Variants in BMP7 observed in about 807,000 individuals in gnomAD.
BMP7 encodes the protein osteogenic protein 1.
A neutral mutation model predicts 41.2 loss-of-function variants in BMP7; 12 were observed. That is an observed-to-expected ratio of 0.29 (90% CI 0.19 to 0.47). The LOEUF (loss-of-function observed/expected upper bound fraction) is 0.47. BMP7 is among the 20% of genes least tolerant of loss of function. The probability of loss-of-function intolerance (pLI) is 0.99; values close to 1 mark genes in which losing one functional copy is unlikely to be tolerated. For synonymous variants in BMP7, 248 were observed against 250.0 expected (o/e 0.99, Z 0.07); for missense variants, 467 against 606.0 (o/e 0.77, Z 2.41).
intron 2 of BMP7, among the ~76,000 whole-genome samples, chr20:57,225,117 G>A (rs74965819): frequency 0.027 from 4,060 of 152,266 alleles, 188 homozygotes; most frequent in African/African-American, 0.092. Context: ...GGGCTCCCCC[G>A]GGCTGAGGTC....
At chr20:57,201,227 C>A (rs1984611807) in intron 3 of BMP7, among the ~76,000 whole-genome samples, 1 of 152,204 alleles carries the variant, frequency 6.6e-6, no homozygotes, top group Admixed American at 6.5e-5. Context: ...CATCTTGTAA[C>A]AACCCAATGG....
At chr20:57,226,087 G>A (rs939619465) in intron 2 of BMP7, 19 of 401,600 alleles carry the variant, frequency 4.7e-5, no homozygotes, top group African/African-American at 3.5e-4. Flanking sequence ...CGCCTGGAAC[G>A]CCCATCCCTC....
intron 3 of BMP7, among the ~76,000 whole-genome samples, chr20:57,195,571 C>T (rs75909084): frequency 3.2e-4 from 49 of 152,362 alleles, no homozygotes; most frequent in African/African-American, 1.1e-3. Context: ...TCGCATGGAG[C>T]GAAGGCACCT....
At chr20:57,230,111 G>A (rs55977030) in intron 1 of BMP7, among the ~76,000 whole-genome samples, 48,276 of 151,974 alleles carry the variant, frequency 0.32, 9,129 homozygotes, top group Non-Finnish European at 0.42. Context: ...TATATGGAGA[G>A]CTGGCGGGAG....
At chr20:57,217,373 C>T (rs78413039) in intron 2 of BMP7, among the ~76,000 whole-genome samples, 3,786 of 152,300 alleles carry the variant, frequency 0.025, 60 homozygotes, top group Non-Finnish European at 0.027. Context: ...CCCAAAAAGG[C>T]TCTTATAATC....
chr20:57,237,445 G>A (rs980183652), intron 1 of BMP7, among the ~76,000 whole-genome samples: 4 of 152,192 alleles, frequency 2.6e-5, no homozygotes, highest in African/African-American at 4.8e-5. Flanking sequence ...GACTTATCCC[G>A]GCTGCTGTTA....
chr20:57,195,928 G>A (rs1473627757), intron 3 of BMP7, among the ~76,000 whole-genome samples: 1 of 152,162 alleles, frequency 6.6e-6, no homozygotes, highest in Non-Finnish European at 1.5e-5. Flanking sequence ...GGTGCCCTAT[G>A]ACCTTGGAGC....
rs1223642151 is a variant in BMP7 at position 57,174,245 on chromosome 20, T to G, written c.1035+686A>C. 6.6e-6 allele frequency among the ~76,000 whole-genome samples: 1 copy of G among 152,044 alleles called. No homozygotes were observed. The highest frequency in any genetic ancestry group is 1.5e-5 in the Non-Finnish European group (1 of 68,012). ...TGACAATACCCTCTCCAGGGATATT[T>G]GAGCCCCACAGGGCAGACACATTGC... On this transcript the variant is annotated intron_variant, in intron 5 of 6. Coordinates refer to ENST00000395863, the MANE Select transcript of BMP7 (RefSeq NM_001719.3). This position sits in a 1 kb window ranked among gnomAD's most constrained non-coding sequence, Gnocchi z 4.3.
chr20:57,254,191 T>C (rs2066125257), intron 1 of BMP7, among the ~76,000 whole-genome samples: 1 of 151,708 alleles, frequency 6.6e-6, no homozygotes, highest in African/African-American at 2.4e-5. Flanking sequence ...CCCCACTAAT[T>C]TTTGTATTTT....
intron 1 of BMP7, among the ~76,000 whole-genome samples, chr20:57,250,323 T>TTATATAATATATAA (rs200380206): frequency 8.9e-5 from 13 of 145,348 alleles, no homozygotes; most frequent in African/African-American, 3.3e-4. Context: ...ATAAATATAT[T>TTATATAATATATAA]TATATAATAT....
intron 3 of BMP7, among the ~76,000 whole-genome samples, chr20:57,200,240 T>C (rs748786385): frequency 5.9e-5 from 9 of 152,210 alleles, no homozygotes; most frequent in Admixed American, 2.0e-4. Flanking sequence ...AAACTATTAT[T>C]AACCCCATTT....
At chr20:57,246,286 T>C (rs2066090538) in intron 1 of BMP7, among the ~76,000 whole-genome samples, 1 of 152,228 alleles carries the variant, frequency 6.6e-6, no homozygotes, top group Non-Finnish European at 1.5e-5. Flanking sequence ...AGAGGCACAA[T>C]CAATTCAACA....
At chr20:57,262,213 C>T (rs1364500593) in intron 1 of BMP7, among the ~76,000 whole-genome samples, 4 of 152,178 alleles carry the variant, frequency 2.6e-5, no homozygotes, top group African/African-American at 9.7e-5. Context: ...TGTGCGGAGT[C>T]GCCATTGCCT....
chr20:57,260,875 A>G (rs1201820519), intron 1 of BMP7, among the ~76,000 whole-genome samples: 1 of 152,232 alleles, frequency 6.6e-6, no homozygotes, highest in Non-Finnish European at 1.5e-5. Flanking sequence ...AGTGAGCGTG[A>G]AAGAATTAAT....
At chr20:57,230,799 C>CCTG (rs2066026414) in intron 1 of BMP7, among the ~76,000 whole-genome samples, 2 of 151,712 alleles carry the variant, frequency 1.3e-5, no homozygotes, top group Admixed American at 6.6e-5. Flanking sequence ...GCCTCAGCCT[C>CCTG]CCAAGTGGCT....
intron 3 of BMP7, among the ~76,000 whole-genome samples, chr20:57,194,317 G>C (rs1984443272): frequency 6.6e-6 from 1 of 152,164 alleles, no homozygotes; most frequent in African/African-American, 2.4e-5. Context: ...ACTACAGCCT[G>C]CAGGCCATAT....
chr20:57,188,961 G>A (rs2054752703), intron 3 of BMP7, among the ~76,000 whole-genome samples: 1 of 152,200 alleles, frequency 6.6e-6, no homozygotes, highest in Non-Finnish European at 1.5e-5. Context: ...AAGCTCTCGT[G>A]CTGCAAACAC....
intron 3 of BMP7, among the ~76,000 whole-genome samples, chr20:57,192,426 G>C (rs1478155501): frequency 6.6e-6 from 1 of 150,568 alleles, no homozygotes; most frequent in Non-Finnish European, 1.5e-5. Flanking sequence ...AATACCCCAG[G>C]AAGGGCTGAG....
intron 4 of BMP7, among the ~76,000 whole-genome samples, chr20:57,175,375 T>G (rs140158349): frequency 6.6e-4 from 101 of 152,314 alleles, no homozygotes; most frequent in African/African-American, 2.4e-3. Flanking sequence ...ACAAGGCCAC[T>G]GCAGGCACCC....
Sources: gnomAD v4.1 joint callset for allele counts (sites outside exome capture counted in the v4.1 genomes callset) on GRCh38, gnomAD v4.1.1 for gene constraint, Gnocchi (gnomAD v3.1) non-coding constraint, MANE v1.5 for transcripts, NCBI Gene and HGNC (gene_info 2026-07-23, HGNC 2026-07-21) for gene names.